The following RNF111 variants were observed in gnomAD, a reference collection of about 807,000 sequenced individuals.
The protein encoded by RNF111 is ring finger protein 111.
RNF111 carries 17 observed loss-of-function variants against 95.1 expected under a neutral mutation model. The ratio of observed to expected loss-of-function variants is 0.18; its 90% confidence interval spans 0.12 to 0.27. The LOEUF (loss-of-function observed/expected upper bound fraction) is 0.27, where lower values mean the gene tolerates loss of function less well. RNF111 is among the 10% of genes least tolerant of loss of function. The pLI, the probability that RNF111 is intolerant of heterozygous loss-of-function variation, is 1.00. For synonymous variants in RNF111, 440 were observed against 414.8 expected (o/e 1.06, Z -0.74); for missense variants, 1,189 against 1,210.4 (o/e 0.98, Z 0.26).
chr15:59,032,240 C>T (rs532823969), intron 2 of RNF111, among the ~76,000 whole-genome samples: 2 of 152,214 alleles, frequency 1.3e-5, no homozygotes, highest in South Asian at 4.1e-4. Context: ...TACCTGGCCT[C>T]ATTTATTACA....
At chr15:59,068,580 T>C (rs938615360) in intron 6 of RNF111, among the ~76,000 whole-genome samples, 1 of 152,122 alleles carries the variant, frequency 6.6e-6, no homozygotes, top group Non-Finnish European at 1.5e-5. Context: ...CACTCCAGCC[T>C]GGGCAACAGA....
At chr15:59,034,833 A>G (rs1344583468) in intron 2 of RNF111, among the ~76,000 whole-genome samples, 4 of 152,232 alleles carry the variant, frequency 2.6e-5, no homozygotes, top group African/African-American at 9.6e-5. Flanking sequence ...CTTATTTACT[A>G]CATGTTAATA....
intron 1 of RNF111, among the ~76,000 whole-genome samples, chr15:59,018,273 T>C (rs2040166744): frequency 6.6e-6 from 1 of 152,180 alleles, no homozygotes; most frequent in Non-Finnish European, 1.5e-5. Flanking sequence ...ACAATTCCAT[T>C]CAAATCTGCT....
At chr15:59,022,779 A>G (rs2040408068) in intron 1 of RNF111, among the ~76,000 whole-genome samples, 1 of 152,268 alleles carries the variant, frequency 6.6e-6, no homozygotes. Context: ...TAATATCAGC[A>G]TAGACACATC....
chr15:58,992,632 A>G (rs2038869124), intron 1 of RNF111, among the ~76,000 whole-genome samples: 1 of 151,964 alleles, frequency 6.6e-6, no homozygotes, highest in Non-Finnish European at 1.5e-5. Context: ...AGGCTGGGCA[A>G]TGTGACGAAA....
chr15:58,997,427 A>T (rs2039125391), intron 1 of RNF111, among the ~76,000 whole-genome samples: 1 of 152,236 alleles, frequency 6.6e-6, no homozygotes, highest in African/African-American at 2.4e-5. Flanking sequence ...ACAGTGGTGC[A>T]TTAAACTAAT....
intron 1 of RNF111, among the ~76,000 whole-genome samples, chr15:59,002,229 A>G (rs900760018): frequency 6.6e-6 from 1 of 152,120 alleles, no homozygotes; most frequent in East Asian, 1.9e-4. Flanking sequence ...TATTTTCTTG[A>G]CTATCTTCCC....
Position 59,031,064 on chromosome 15 carries a change from ACC to A in RNF111, c.243_244del (p.Asn81LysfsTer29). ...AAGCAAGAGAAGGAAATGAATGGTAACCAGCAAGAACAAGAAAAAAGTCTCGT... is the reference window on the plus strand; with the variant it reads ...AAGCAAGAGAAGGAAATGAATGGTAAAGCAAGAACAAGAAAAAAGTCTCGT... On this transcript the variant is annotated frameshift_variant, in exon 2 of 14. Coordinates refer to ENST00000348370, the MANE Select transcript of RNF111 (RefSeq NM_017610.8). LOFTEE classifies it high-confidence loss of function. 1.2e-6 allele frequency: 2 copies of A among 1,614,286 alleles called. No homozygotes were observed. Among genetic ancestry groups the A allele is most frequent in the Non-Finnish European group, 1.7e-6 (2 of 1,180,044 alleles).
Position 59,084,189 on chromosome 15 carries a change from G to T in RNF111, c.2358G>T (p.Gly786=). ...PHRMHPNYGH[G]HHIHVPQTMS... ...GGATGCACCCAAACTATGGTCATGG[G>T]CATCATATTCATGTGCCTCAGACTA... The change falls in exon 9 of 14, where the codon GGG becomes GGT. Residue 786 remains glycine (G), a synonymous_variant. Transcript: ENST00000348370. The T allele has an allele frequency of 6.2e-7, 1 of 1,601,660 alleles. No individual in the cohort carries two copies. Among genetic ancestry groups the T allele is most frequent in the South Asian group, 1.1e-5 (1 of 89,010 alleles).
At chr15:59,017,902 C>T (rs1401023404) in intron 1 of RNF111, among the ~76,000 whole-genome samples, 3 of 151,864 alleles carry the variant, frequency 2.0e-5, no homozygotes, top group South Asian at 2.1e-4. Flanking sequence ...GGATTACAGG[C>T]GCCTGCCATC....
chr15:59,061,528 A>G (rs2142035140), intron 5 of RNF111, among the ~76,000 whole-genome samples: 1 of 152,326 alleles, frequency 6.6e-6, no homozygotes, highest in South Asian at 2.1e-4. Flanking sequence ...GGAAATTTTA[A>G]AAAAATGAAT....
chr15:59,086,277 G>A (rs1320657776), intron 10 of RNF111, among the ~76,000 whole-genome samples: 1 of 151,938 alleles, frequency 6.6e-6, no homozygotes, highest in East Asian at 1.9e-4. Context: ...GTGCCACCAT[G>A]CCTGGCTAAT....
At chr15:58,989,491 T>C (rs1239955377) in intron 1 of RNF111, among the ~76,000 whole-genome samples, 2 of 152,174 alleles carry the variant, frequency 1.3e-5, no homozygotes, top group Non-Finnish European at 2.9e-5. Flanking sequence ...GAAGAATGAG[T>C]CTCCTTGTTT....
At chr15:59,081,417 G>C (rs2078740654) in intron 8 of RNF111, 133 bp downstream of exon 8, 1 of 726,942 alleles carries the variant, frequency 1.4e-6, no homozygotes, top group South Asian at 1.9e-5. Context: ...GGCTGAGACA[G>C]GAGGATTGCT....
At chr15:59,027,613 A>G (rs1233496579) in intron 1 of RNF111, among the ~76,000 whole-genome samples, 1 of 150,386 alleles carries the variant, frequency 6.6e-6, no homozygotes, top group Non-Finnish European at 1.5e-5. Context: ...ACTGCAACCT[A>G]TGTCTCCTGG....
At chr15:59,066,272 A>G (rs1300534901) in intron 5 of RNF111, among the ~76,000 whole-genome samples, 3 of 152,220 alleles carry the variant, frequency 2.0e-5, no homozygotes, top group East Asian at 1.9e-4. Flanking sequence ...GGAAAATCCC[A>G]GTGAAGACCA....
At chr15:59,079,729 T>G (rs2078680928) in intron 7 of RNF111, among the ~76,000 whole-genome samples, 1 of 151,902 alleles carries the variant, frequency 6.6e-6, no homozygotes, top group African/African-American at 2.4e-5. Context: ...CTCAGAGAGA[T>G]TTTTCAGCAG....
chr15:59,048,363 C>A (rs2041814038), intron 2 of RNF111, among the ~76,000 whole-genome samples: 1 of 152,164 alleles, frequency 6.6e-6, no homozygotes, highest in Non-Finnish European at 1.5e-5. Context: ...CAATGTGTGA[C>A]TCCACTTAAC....
At chr15:58,991,540 G>T (rs2038817877) in intron 1 of RNF111, among the ~76,000 whole-genome samples, 1 of 152,134 alleles carries the variant, frequency 6.6e-6, no homozygotes, top group African/African-American at 2.4e-5. Context: ...GATACGGCAT[G>T]GATGGAAGTG....
Sources: allele counts gnomAD v4.1 joint callset (sites outside exome capture counted in the v4.1 genomes callset), GRCh38; gene constraint gnomAD v4.1.1; transcripts MANE v1.5; gene names NCBI Gene and HGNC (gene_info 2026-07-23, HGNC 2026-07-21).